Variants in P3H2 observed in about 807,000 individuals in gnomAD.
P3H2 encodes leprecan-like 1.
Under a neutral mutation model 87.0 loss-of-function variants are expected in P3H2, and 80 were observed. That is an observed-to-expected ratio of 0.92 (90% confidence interval 0.77 to 1.11). The LOEUF is 1.11. Ranked by LOEUF, P3H2 falls within the 50% of genes least tolerant of loss-of-function variation. The pLI, the probability that P3H2 is intolerant of heterozygous loss-of-function variation, is 0.00. For missense variants in P3H2, 1,001 were observed against 923.9 expected, an observed-to-expected ratio of 1.08 and a Z score of -1.08; for synonymous variants, 367 against 359.3, an observed-to-expected ratio of 1.02 and a Z score of -0.24.
At chr3:190,084,956 A>G (rs1003642665) in intron 1 of P3H2, among the ~76,000 whole-genome samples, 6 of 152,002 alleles carry the variant, frequency 3.9e-5, no homozygotes, top group African/African-American at 1.4e-4. Flanking sequence ...CAAACAAAAA[A>G]AAAAAAGAAA....
chr3:190,048,742 C>T (rs1725883498), intron 1 of P3H2, among the ~76,000 whole-genome samples: 1 of 152,082 alleles, frequency 6.6e-6, no homozygotes, highest in East Asian at 1.9e-4. Context: ...AGGAGATCAG[C>T]TACATATCCC....
rs1028788123 is a variant in P3H2 at position 190,120,749 on chromosome 3, C to T, written c.-18G>A. On this transcript the variant is annotated 5_prime_UTR_variant, in exon 1 of 15. Coordinates refer to ENST00000319332, the MANE Select transcript of P3H2 (RefSeq NM_018192.4). ...TCCCGCATCCTCCGCCTCAGAGAGG[C>T]GCGGGACGGTTACGCTCGAGAGGGC... 1 of 1,516,730 alleles carries T rather than the reference C, an allele frequency of 6.6e-7. No homozygotes were observed. Among genetic ancestry groups the T allele is most frequent in the Admixed American group, 2.0e-5 (1 of 49,392 alleles). 94.0% of individuals were successfully genotyped at this position (1,516,730 alleles called of 1,614,324 possible). A position where few individuals can be genotyped will look rare whatever the true frequency, so the allele number is the denominator to read the frequency against.
intron 1 of P3H2, among the ~76,000 whole-genome samples, chr3:190,030,164 C>A (rs1340062981): frequency 6.6e-6 from 1 of 151,934 alleles, no homozygotes; most frequent in Non-Finnish European, 1.5e-5. Flanking sequence ...AAGATAATAT[C>A]TATATATTCC....
chr3:190,029,236 C>T (rs1468223420), intron 1 of P3H2, among the ~76,000 whole-genome samples: 1 of 152,178 alleles, frequency 6.6e-6, no homozygotes, highest in Non-Finnish European at 1.5e-5. Context: ...ATTCAATCCA[C>T]CATGAAGTGT....
chr3:190,009,652 G>A lies in P3H2; in HGVS notation c.481-14210C>T, dbSNP rs145882050. ...AGCAAACCCAATTTTAAGCCAGAGAGAAATTTTAGCCAAGTCATTAAAATG... is the reference window on the plus strand; with the variant it reads ...AGCAAACCCAATTTTAAGCCAGAGAAAAATTTTAGCCAAGTCATTAAAATG... On this transcript the variant is annotated intron_variant, in intron 1 of 14. Coordinates refer to ENST00000319332, the MANE Select transcript of P3H2 (RefSeq NM_018192.4). Among the ~76,000 whole-genome samples the A allele has an allele frequency of 1.4e-4, 21 of 152,318 alleles. No individual in the cohort carries two copies. In the East Asian group the frequency reaches 4.0e-3, roughly 29 times the overall value.
intron 1 of P3H2, among the ~76,000 whole-genome samples, chr3:190,008,558 T>C (rs1469545460): frequency 6.6e-6 from 1 of 152,208 alleles, no homozygotes; most frequent in Non-Finnish European, 1.5e-5. Context: ...TCCAATTTTG[T>C]ATATACTGTG....
In P3H2 at chr3:190,053,448, T is replaced by TG. The variant is rs200718999; in HGVS notation, c.481-58007dup. On this transcript the variant is annotated intron_variant, in intron 1 of 14. Transcript: ENST00000319332. Reference sequence around the variant, plus strand: ...TTTTTATTTTTATTTTTAAATAAAGTGGTTTTTTTTTTTTTTTTTGAGATG... The same window carrying TG: ...TTTTTATTTTTATTTTTAAATAAAGTGGGTTTTTTTTTTTTTTTTTGAGATG... 9.0e-3 allele frequency among the ~76,000 whole-genome samples: 1,228 copies of TG among 136,654 alleles called. 14 individuals carry two copies. The highest frequency in any genetic ancestry group is 0.031 in the African/African-American group (1,091 of 35,638). The allele number at this position is 136,654 out of a possible 152,430, so 89.7% of individuals were successfully genotyped here.
rs375112330 is a variant in P3H2, at chr3:190,102,906, C to G, written c.480+17346G>C. 3.9e-5 allele frequency among the ~76,000 whole-genome samples: 6 copies of G among 152,284 alleles called. No individual in the cohort carries two copies. The East Asian group carries it at 7.7e-4, about 20-fold the overall frequency. On this transcript the variant is annotated intron_variant, in intron 1 of 14. Coordinates refer to ENST00000319332, the MANE Select transcript of P3H2 (RefSeq NM_018192.4). ...CACTCCAATTTACAGTAACCACCAA[C>G]CTGATCAGTCAGCAGCCACCAACAC... is the stretch of plus-strand genomic sequence containing the variant.
chr3:189,983,291 C>CTGCCTCTAGTAAGTTCTCTAT, intron 7 of P3H2, 151 bp from the exon 8 acceptor site: 1 of 631,550 alleles, frequency 1.6e-6, no homozygotes, highest in East Asian at 2.7e-5. Context: ...TTAAATGTCA[C>CTGCCTCTAGTAAGTTCTCTAT]TGCCTCTAGT....
chr3:189,984,733 A>G (rs1384279632), intron 6 of P3H2, 143 bp from the exon 7 acceptor site: 1 of 588,576 alleles, frequency 1.7e-6, no homozygotes, highest in Non-Finnish European at 3.0e-6. Context: ...AAGATACAAT[A>G]TATTTATATT....
At chr3:190,038,927 C>T (rs748632816) in intron 1 of P3H2, among the ~76,000 whole-genome samples, 21 of 152,192 alleles carry the variant, frequency 1.4e-4, no homozygotes, top group South Asian at 4.1e-4. Flanking sequence ...CGGTGGTTCA[C>T]GCTTGTAATC....
chr3:190,034,226 T>G (rs983314268), intron 1 of P3H2, among the ~76,000 whole-genome samples: 7 of 62,922 alleles, frequency 1.1e-4, no homozygotes, highest in Non-Finnish European at 2.2e-4. Context: ...TATGAATAAT[T>G]GTTCCTCATA....
At chr3:190,050,893 G>T (rs1029077470) in intron 1 of P3H2, among the ~76,000 whole-genome samples, 1 of 152,192 alleles carries the variant, frequency 6.6e-6, no homozygotes, top group African/African-American at 2.4e-5. Context: ...TTGATACCAA[G>T]TAAATTGTTT....
In P3H2 at chr3:190,120,619, GGCTCCA is replaced by G. The variant is rs753516272; in HGVS notation, c.107_112del (p.Leu36_Glu37del). 7.2e-6 allele frequency: 11 copies of G among 1,537,826 alleles called. No individual in the cohort carries two copies. The highest frequency in any genetic ancestry group is 2.5e-5 in the East Asian group (1 of 40,166). On this transcript the variant is annotated inframe_deletion, in exon 1 of 15. Transcript: ENST00000319332. ...CAGGTCGAAGGGCTGCAGAGGCCCGGGCTCCAGCTCCAGCTCCCGGCGTGGGCTGTC... is the reference window on the plus strand; with the variant it reads ...CAGGTCGAAGGGCTGCAGAGGCCCGGGCTCCAGCTCCCGGCGTGGGCTGTC...
chr3:189,960,974 T>G (rs2108901276), intron 14 of P3H2, among the ~76,000 whole-genome samples: 1 of 150,590 alleles, frequency 6.6e-6, no homozygotes, highest in Non-Finnish European at 1.5e-5. Context: ...AGAGTCTCAC[T>G]CTGTTGCCCA....
intron 1 of P3H2, among the ~76,000 whole-genome samples, chr3:190,075,750 A>T (rs1381256679): frequency 6.6e-6 from 1 of 152,188 alleles, no homozygotes; most frequent in Non-Finnish European, 1.5e-5. Context: ...AGGGTACCTG[A>T]AAAGGATTAA....
chr3:190,022,462 A>G (rs1471766250), intron 1 of P3H2, among the ~76,000 whole-genome samples: 1 of 135,698 alleles, frequency 7.4e-6, no homozygotes, highest in African/African-American at 2.5e-5. Context: ...TTGTTTCTTT[A>G]TGAAATATAA....
chr3:190,084,625 TATC>T (rs1200673256), intron 1 of P3H2, among the ~76,000 whole-genome samples: 2 of 126,822 alleles, frequency 1.6e-5, no homozygotes, highest in African/African-American at 8.1e-5. Context: ...TTTAAAATCT[TATC>T]AATATTAATG....
chr3:190,095,037 A>C (rs997382013), intron 1 of P3H2, among the ~76,000 whole-genome samples: 2 of 152,128 alleles, frequency 1.3e-5, no homozygotes, highest in African/African-American at 4.8e-5. Context: ...AAGTTCCATT[A>C]GTTTTCACAG....
Sources: gnomAD v4.1 joint callset for allele counts (sites outside exome capture counted in the v4.1 genomes callset) on GRCh38, gnomAD v4.1.1 for gene constraint, MANE v1.5 for transcripts, NCBI Gene and HGNC (gene_info 2026-07-23, HGNC 2026-07-21) for gene names.